The following KCND3 variants were observed in gnomAD, a reference collection of about 807,000 sequenced individuals.
The protein encoded by KCND3 is A-type voltage-gated potassium channel KCND3.
In KCND3, 9 loss-of-function variants were observed where a neutral mutation model predicts 51.1. That is an observed-to-expected ratio of 0.18 (90% CI 0.11 to 0.31). The LOEUF is 0.31. Ranked by LOEUF, KCND3 falls within the 10% of genes least tolerant of loss-of-function variation. KCND3 has a pLI of 1.00. For synonymous variants in KCND3, 349 were observed against 368.0 expected (o/e 0.95, Z 0.59); for missense variants, 526 against 903.8 (o/e 0.58, Z 5.36).
intron 2 of KCND3, among the ~76,000 whole-genome samples, chr1:111,977,325 T>C (rs1324012344): frequency 6.6e-6 from 1 of 152,238 alleles, no homozygotes; most frequent in African/African-American, 2.4e-5. Context: ...TGTGCCTGTA[T>C]TGATCTCCCA....
chr1:111,824,091 T>C (rs1177861924), intron 2 of KCND3, among the ~76,000 whole-genome samples: 1 of 136,978 alleles, frequency 7.3e-6, no homozygotes, highest in African/African-American at 2.7e-5. Context: ...GTTATGCTAA[T>C]AGCATGATCC....
chr1:111,946,664 G>C (rs1402770224), intron 2 of KCND3, among the ~76,000 whole-genome samples: 1 of 152,200 alleles, frequency 6.6e-6, no homozygotes, highest in Non-Finnish European at 1.5e-5. Context: ...CTCCCCCAGA[G>C]ACTTGCAGAT....
intron 2 of KCND3, among the ~76,000 whole-genome samples, chr1:111,843,382 G>A (rs181964949): frequency 1.9e-4 from 29 of 152,344 alleles, no homozygotes; most frequent in African/African-American, 6.7e-4. Context: ...GCAAGAGAAG[G>A]CAAAGGCTGC....
At chr1:111,911,299 T>A (rs1472978913) in intron 2 of KCND3, among the ~76,000 whole-genome samples, 7 of 152,118 alleles carry the variant, frequency 4.6e-5, no homozygotes, top group African/African-American at 7.2e-5. Flanking sequence ...GACAGCAGAT[T>A]TGGTATTAGA....
At chr1:111,954,730 T>C (rs939260871) in intron 2 of KCND3, among the ~76,000 whole-genome samples, 1 of 152,228 alleles carries the variant, frequency 6.6e-6, no homozygotes, top group African/African-American at 2.4e-5. Context: ...CCATTGCAAA[T>C]GGAGACCTAG....
chr1:111,879,262 G>C (rs1412601457), intron 2 of KCND3, among the ~76,000 whole-genome samples: 1 of 152,108 alleles, frequency 6.6e-6, no homozygotes, highest in Non-Finnish European at 1.5e-5. Flanking sequence ...GCAGAACCCT[G>C]ACTAATACAA....
At chr1:111,862,594 A>C (rs1668385929) in intron 2 of KCND3, among the ~76,000 whole-genome samples, 1 of 152,260 alleles carries the variant, frequency 6.6e-6, no homozygotes, top group African/African-American at 2.4e-5. Context: ...TAATCAGTGT[A>C]GGAAAGAACC....
At chr1:111,904,192 C>T (rs1289972431) in intron 2 of KCND3, among the ~76,000 whole-genome samples, 1 of 151,204 alleles carries the variant, frequency 6.6e-6, no homozygotes, top group Non-Finnish European at 1.5e-5. Flanking sequence ...AGGGACATTA[C>T]TCTAGGACCC....
intron 2 of KCND3, among the ~76,000 whole-genome samples, chr1:111,895,656 G>T (rs1670070753): frequency 6.6e-6 from 1 of 152,250 alleles, no homozygotes. Context: ...TGAGTCAGGG[G>T]GCTGCGGAGT....
chr1:111,881,460 C>T (rs78650929), intron 2 of KCND3, among the ~76,000 whole-genome samples: 1,684 of 152,374 alleles, frequency 0.011, 32 homozygotes, highest in African/African-American at 0.039. Flanking sequence ...TCTGGCCTCT[C>T]AGGTTTAACT....
intron 2 of KCND3, among the ~76,000 whole-genome samples, chr1:111,807,979 T>C (rs892800910): frequency 6.6e-6 from 1 of 152,144 alleles, no homozygotes; most frequent in Non-Finnish European, 1.5e-5. Flanking sequence ...GACCTAGAAA[T>C]GTTGAAAAAA....
intron 2 of KCND3, among the ~76,000 whole-genome samples, chr1:111,813,932 C>T (rs1344072164): frequency 6.6e-6 from 1 of 152,116 alleles, no homozygotes; most frequent in African/African-American, 2.4e-5. Context: ...GCTTTATACA[C>T]AACATCTCCC....
In KCND3 at chr1:111,782,604, G is replaced by A. The variant is rs138764276; in HGVS notation, c.1270-1813C>T. Among the ~76,000 whole-genome samples, 378 of 152,252 alleles carry A rather than the reference G, an allele frequency of 2.5e-3. 2 individuals are homozygous for A. The highest frequency in any genetic ancestry group is 8.7e-3 in the African/African-American group (361 of 41,548). ...GCTGCAATTGCTTTAGGTGAGTGCTGGGTGTTGAGAGTTTCATATGGAAAT... is the reference window on the plus strand; with the variant it reads ...GCTGCAATTGCTTTAGGTGAGTGCTAGGTGTTGAGAGTTTCATATGGAAAT... On this transcript the variant is annotated intron_variant, in intron 3 of 7. Transcript: ENST00000302127.
rs545362993 is a variant in KCND3 at position 111,773,168 on chromosome 1, G to A, written c.*2909C>T. 3.5e-4 allele frequency: 54 copies of A among 152,286 alleles called. No individual in the cohort carries two copies. Among genetic ancestry groups the A allele is most frequent in the African/African-American group, 1.2e-3 (49 of 41,558 alleles). 9.4% of individuals were successfully genotyped at this position (152,286 alleles called of 1,614,324 possible). ...AAGTGGCATGACGTGGGCTCTGAAC[G>A]TGAAGTGGAAGGAACACAAAACATT... On this transcript the variant is annotated 3_prime_UTR_variant, in exon 8 of 8. Coordinates refer to ENST00000302127, the MANE Select transcript of KCND3 (RefSeq NM_001378969.1).
At chr1:111,842,286 C>T (rs1249406558) in intron 2 of KCND3, among the ~76,000 whole-genome samples, 1 of 152,236 alleles carries the variant, frequency 6.6e-6, no homozygotes, top group African/African-American at 2.4e-5. Context: ...CCAACCCACC[C>T]TGAGCGGGCC....
Position 111,896,074 on chromosome 1 carries a change from C to T in KCND3, c.1106+85547G>A, listed in dbSNP as rs1318794310. ...GCGGGCAACATGCTCCACGCGCGTT[C>T]ATTCACTTCTCTTCATAACAGCCCC... On this transcript the variant is annotated intron_variant, in intron 2 of 7. Transcript: ENST00000302127. 4.6e-5 allele frequency among the ~76,000 whole-genome samples: 7 copies of T among 152,330 alleles called. No individual in the cohort carries two copies. The East Asian group carries it at 1.2e-3, about 25-fold the overall frequency.
chr1:111,924,509 G>C (rs1671612160), intron 2 of KCND3, among the ~76,000 whole-genome samples: 1 of 152,188 alleles, frequency 6.6e-6, no homozygotes, highest in African/African-American at 2.4e-5. Flanking sequence ...CCAAGCCACA[G>C]GCTGCAAGCT....
In KCND3 at chr1:111,981,026, C is replaced by T. The variant is rs1004434122; in HGVS notation, c.1106+595G>A. Reference sequence around the variant, plus strand: ...AAAGAATAAACCACGTGCCTTACTGCGAAAAATCCAGGTTCAGAGTCACTT... The same window carrying T: ...AAAGAATAAACCACGTGCCTTACTGTGAAAAATCCAGGTTCAGAGTCACTT... On this transcript the variant is annotated intron_variant, in intron 2 of 7. Transcript: ENST00000302127. This position sits in a 1 kb window ranked among gnomAD's most constrained non-coding sequence, Gnocchi z 6.2. Among the ~76,000 whole-genome samples, 10 of 152,152 alleles carry T rather than the reference C, an allele frequency of 6.6e-5. No individual in the cohort carries two copies. Among genetic ancestry groups the T allele is most frequent in the Non-Finnish European group, 1.3e-4 (9 of 68,028 alleles).
intron 2 of KCND3, among the ~76,000 whole-genome samples, chr1:111,845,745 T>TAA (rs1206372061): frequency 1.3e-5 from 2 of 152,200 alleles, no homozygotes; most frequent in African/African-American, 4.8e-5. Flanking sequence ...ACAGAGAGAT[T>TAA]AAATAACTTA....
Sources: allele counts gnomAD v4.1 joint callset (sites outside exome capture counted in the v4.1 genomes callset), GRCh38; gene constraint gnomAD v4.1.1; non-coding constraint Gnocchi (gnomAD v3.1); transcripts MANE v1.5; gene names NCBI Gene and HGNC (gene_info 2026-07-23, HGNC 2026-07-21).